Variants in FANCC observed in about 807,000 individuals in gnomAD.
FANCC encodes the protein Fanconi anemia group C protein.
FANCC carries 55 observed loss-of-function variants against 71.3 expected under a neutral mutation model. The ratio of observed to expected loss-of-function variants is 0.77; its 90% confidence interval spans 0.62 to 0.97. The LOEUF is 0.97. FANCC is among the 50% of genes least tolerant of loss of function. The pLI is 0.00. For synonymous variants in FANCC, 275 were observed against 244.9 expected, an observed-to-expected ratio of 1.12 and a Z score of -1.15; for missense variants, 678 against 670.9, an observed-to-expected ratio of 1.01 and a Z score of -0.12.
intron 4 of FANCC, among the ~76,000 whole-genome samples, chr9:95,217,210 G>A (rs1421078366): frequency 1.3e-5 from 2 of 152,148 alleles, no homozygotes; most frequent in Non-Finnish European, 2.9e-5. Flanking sequence ...TCTAGGCCGG[G>A]CCTGGGGGCT....
chr9:95,297,018 T>A (rs1472894238), intron 1 of FANCC, among the ~76,000 whole-genome samples: 1 of 151,918 alleles, frequency 6.6e-6, no homozygotes, highest in South Asian at 2.1e-4. Context: ...AACTGCAGAG[T>A]GAGAAGTGTT....
At chr9:95,125,574 A>G (rs1825848834) in intron 9 of FANCC, among the ~76,000 whole-genome samples, 1 of 152,248 alleles carries the variant, frequency 6.6e-6, no homozygotes, top group Non-Finnish European at 1.5e-5. Flanking sequence ...CCAGCAAAGT[A>G]GGAAAATAAT....
chr9:95,177,894 C>A (rs533661724), intron 4 of FANCC, among the ~76,000 whole-genome samples: 1 of 152,214 alleles, frequency 6.6e-6, no homozygotes, highest in Non-Finnish European at 1.5e-5. Flanking sequence ...TCCCCCAAGA[C>A]ACTGAGACTC....
chr9:95,248,331 C>A (rs1294102449), intron 2 of FANCC, among the ~76,000 whole-genome samples: 1 of 152,022 alleles, frequency 6.6e-6, no homozygotes, highest in African/African-American at 2.4e-5. Flanking sequence ...CTTTTTGGGA[C>A]CATATAAAGG....
chr9:95,248,996 T>C, intron 2 of FANCC, 131 bp downstream of exon 2: 2 of 862,128 alleles, frequency 2.3e-6, no homozygotes. Flanking sequence ...CTTGAGTAAT[T>C]TGTCTTCCTA....
intron 1 of FANCC, among the ~76,000 whole-genome samples, chr9:95,276,475 G>A (rs1278343654): frequency 3.3e-5 from 5 of 151,980 alleles, no homozygotes; most frequent in Non-Finnish European, 5.9e-5. Flanking sequence ...ACTTATTTAG[G>A]GGCAGGGCAA....
At chr9:95,152,762 A>C (rs1200286411) in intron 6 of FANCC, among the ~76,000 whole-genome samples, 1 of 152,032 alleles carries the variant, frequency 6.6e-6, no homozygotes, top group East Asian at 1.9e-4. Flanking sequence ...CCTAATGTGT[A>C]GTTTTTTTCA....
chr9:95,112,069 G>T (rs2071988425), intron 12 of FANCC, among the ~76,000 whole-genome samples: 1 of 152,218 alleles, frequency 6.6e-6, no homozygotes, highest in Non-Finnish European at 1.5e-5. Flanking sequence ...AGTTCAGGTG[G>T]ATATTTCAGC....
chr9:95,103,274 C>T (rs924515003), intron 14 of FANCC, among the ~76,000 whole-genome samples: 1 of 152,200 alleles, frequency 6.6e-6, no homozygotes, highest in Non-Finnish European at 1.5e-5. Context: ...TGGGCCCCTT[C>T]CCAGCTCTCT....
At chr9:95,243,513 G>C (rs1830753099) in intron 3 of FANCC, among the ~76,000 whole-genome samples, 1 of 152,018 alleles carries the variant, frequency 6.6e-6, no homozygotes, top group East Asian at 1.9e-4. Context: ...GGCCAGGCGT[G>C]GTGGTTCACA....
At position 95,245,318 on chromosome 9, in the gene FANCC, T is replaced by C. The variant is rs200313343; in HGVS notation, c.250+2114A>G. 4.9e-4 allele frequency among the ~76,000 whole-genome samples: 74 copies of C among 152,162 alleles called. 1 individual carries two copies. The highest frequency in any genetic ancestry group is 1.6e-3 in the African/African-American group (66 of 41,532). Reference sequence around the variant, plus strand: ...TGAACACCATTCACTATGAACAGCATAGTGAACATGGACTGCACAGAATAA... The same window carrying C: ...TGAACACCATTCACTATGAACAGCACAGTGAACATGGACTGCACAGAATAA... On this transcript the variant is annotated intron_variant, in intron 3 of 14. Coordinates refer to ENST00000289081, the MANE Select transcript of FANCC (RefSeq NM_000136.3).
intron 4 of FANCC, among the ~76,000 whole-genome samples, chr9:95,209,802 A>G (rs1181457675): frequency 6.6e-6 from 1 of 151,910 alleles, no homozygotes; most frequent in Admixed American, 6.6e-5. Context: ...AGCCCTCATA[A>G]CCCCTTGCCT....
chr9:95,241,755 G>C (rs1324009171), intron 3 of FANCC, among the ~76,000 whole-genome samples: 2 of 152,126 alleles, frequency 1.3e-5, no homozygotes, highest in African/African-American at 4.8e-5. Flanking sequence ...CACCTCTCGG[G>C]CTCCAGCGAT....
intron 10 of FANCC, among the ~76,000 whole-genome samples, chr9:95,120,775 G>A (rs1013010233): frequency 3.9e-5 from 6 of 152,152 alleles, no homozygotes; most frequent in Admixed American, 1.3e-4. Flanking sequence ...CTTTTTATTA[G>A]AATATTTAAC....
At position 95,114,821 on chromosome 9, in the gene FANCC, G is replaced by A. The variant is rs1228061039; in HGVS notation, c.1073-111C>T. 5 of 889,954 alleles carry A rather than the reference G, an allele frequency of 5.6e-6. No individual in the cohort carries two copies. The African/African-American group carries it at 6.5e-5, about 12-fold the overall frequency. 55.1% of individuals were successfully genotyped at this position (889,954 alleles called of 1,614,324 possible). A position where few individuals can be genotyped will look rare whatever the true frequency, so the allele number is the denominator to read the frequency against. ...CTTTGGGAGACGCCCTTTACTTCTGGTTCACGGAACCCAATACTGTTCTCA... is the reference window on the plus strand; with the variant it reads ...CTTTGGGAGACGCCCTTTACTTCTGATTCACGGAACCCAATACTGTTCTCA... On this transcript the variant is annotated intron_variant, in intron 11 of 14. Transcript: ENST00000289081.
intron 1 of FANCC, among the ~76,000 whole-genome samples, chr9:95,305,104 T>C (rs1834998581): frequency 6.6e-6 from 1 of 152,174 alleles, no homozygotes; most frequent in Admixed American, 6.5e-5. Flanking sequence ...TTTAGAGGTT[T>C]CCCCAAAAGT....
chr9:95,193,499 G>T (rs1004500393), intron 4 of FANCC, among the ~76,000 whole-genome samples: 2 of 152,182 alleles, frequency 1.3e-5, no homozygotes, highest in Non-Finnish European at 2.9e-5. Flanking sequence ...GTTTTCAAAA[G>T]TATTAAATTT....
chr9:95,275,517 C>A (rs1344258865), intron 1 of FANCC, among the ~76,000 whole-genome samples: 1 of 151,756 alleles, frequency 6.6e-6, no homozygotes, highest in Non-Finnish European at 1.5e-5. Context: ...TGTATCAATG[C>A]ATGTTCATCA....
chr9:95,170,338 T>C (rs1156957793), intron 6 of FANCC, among the ~76,000 whole-genome samples: 1 of 151,172 alleles, frequency 6.6e-6, no homozygotes, highest in East Asian at 1.9e-4. Flanking sequence ...TGCAAAGGAT[T>C]CCTAAAGGTT....
Sources: allele counts gnomAD v4.1 joint callset (sites outside exome capture counted in the v4.1 genomes callset), GRCh38; gene constraint gnomAD v4.1.1; transcripts MANE v1.5; gene names NCBI Gene and HGNC (gene_info 2026-07-23, HGNC 2026-07-21).